Variants in PCDHA2 observed in about 807,000 individuals in gnomAD.
The protein encoded by PCDHA2 is protocadherin alpha 2.
In PCDHA2, 58 loss-of-function variants were observed where a neutral mutation model predicts 66.0. That is an observed-to-expected ratio of 0.88 (90% confidence interval 0.71 to 1.09). The LOEUF (loss-of-function observed/expected upper bound fraction) is 1.09, where lower values mean the gene tolerates loss of function less well. PCDHA2 is among the 50% of genes least tolerant of loss of function. The probability of loss-of-function intolerance (pLI) is 0.00; values close to 1 mark genes in which losing one functional copy is unlikely to be tolerated. For missense variants in PCDHA2, 1,267 were observed against 1,242.3 expected, an observed-to-expected ratio of 1.02 and a Z score of -0.30; for synonymous variants, 634 against 554.0, an observed-to-expected ratio of 1.14 and a Z score of -2.03.
intron 1 of PCDHA2, among the ~76,000 whole-genome samples, chr5:140,923,036 T>C (rs868918813): frequency 1.3e-5 from 2 of 152,196 alleles, no homozygotes; most frequent in Non-Finnish European, 2.9e-5. Context: ...TATTACTACA[T>C]GTATAGTATT....
intron 1 of PCDHA2, among the ~76,000 whole-genome samples, chr5:140,799,516 TTTAC>T (rs765922159): frequency 2.0e-4 from 31 of 151,970 alleles, no homozygotes; most frequent in Admixed American, 5.2e-4. Flanking sequence ...TGCTTAAATG[TTTAC>T]TTACTTCTTC....
chr5:140,966,409 G>C (rs1234170283), intron 1 of PCDHA2: 1 of 419,144 alleles, frequency 2.4e-6, no homozygotes, highest in African/African-American at 2.1e-5. Context: ...CGCGGAATCA[G>C]AGCAGGACTT....
intron 1 of PCDHA2, chr5:140,868,367 A>T (rs1172492575): frequency 1.3e-5 from 2 of 152,208 alleles, no homozygotes; most frequent in African/African-American, 4.8e-5. Context: ...AAATGTAAAT[A>T]ACAGTAAAGA....
intron 1 of PCDHA2, chr5:140,828,303 G>A: frequency 1.2e-6 from 2 of 1,614,088 alleles, no homozygotes; most frequent in Non-Finnish European, 8.5e-7. Context: ...TCCAAAGACC[G>A]CGAGGACCTT....
intron 3 of PCDHA2, among the ~76,000 whole-genome samples, chr5:140,985,739 CT>C (rs11372071): frequency 0.013 from 1,497 of 117,900 alleles, 11 homozygotes; most frequent in African/African-American, 0.038. Flanking sequence ...TGATGAATTC[CT>C]TTTTTTTTTT....
chr5:140,857,402 C>T (rs2044569708), intron 1 of PCDHA2: 3 of 1,598,498 alleles, frequency 1.9e-6, no homozygotes, highest in Non-Finnish European at 2.6e-6. Flanking sequence ...CGACAACGCG[C>T]CTGCGTTCGC....
At chr5:140,838,173 G>C (rs1033489567) in intron 1 of PCDHA2, among the ~76,000 whole-genome samples, 2 of 149,160 alleles carry the variant, frequency 1.3e-5, no homozygotes, top group Non-Finnish European at 3.0e-5. Flanking sequence ...GAGTGCAGTG[G>C]TGCAATCTCA....
At chr5:140,877,116 C>T in intron 1 of PCDHA2, 4 of 1,613,672 alleles carry the variant, frequency 2.5e-6, no homozygotes, top group Non-Finnish European at 2.5e-6. Context: ...TGGGCAGCAA[C>T]GTGACGCTGC....
intron 1 of PCDHA2, chr5:140,855,916 A>G (rs2043673154): frequency 8.4e-7 from 1 of 1,191,010 alleles, no homozygotes. Flanking sequence ...CTCAAGGACT[A>G]GGAAGTAGCG....
intron 1 of PCDHA2, chr5:140,807,515 G>A (rs1554124060): frequency 6.8e-6 from 11 of 1,613,912 alleles, no homozygotes; most frequent in Non-Finnish European, 9.3e-6. Flanking sequence ...GGAGGTGATC[G>A]TAGACAGGCC....
chr5:140,857,724 A>G (rs1277501257), intron 1 of PCDHA2: 1 of 1,597,434 alleles, frequency 6.3e-7, no homozygotes, highest in Admixed American at 1.7e-5. Context: ...GACGAGAACG[A>G]CAACGCTCCC....
At chr5:140,968,578 C>T in intron 1 of PCDHA2, 3 of 1,614,206 alleles carry the variant, frequency 1.9e-6, no homozygotes, top group Non-Finnish European at 2.5e-6. Context: ...GCTACCTGGT[C>T]ACCAAAGTCA....
chr5:140,802,502 G>A, intron 1 of PCDHA2: 1 of 1,614,156 alleles, frequency 6.2e-7, no homozygotes, highest in Non-Finnish European at 8.5e-7. Context: ...CGCCTTCACT[G>A]TGGGCCACGG....
At chr5:140,912,511 T>C (rs2075947919) in intron 1 of PCDHA2, among the ~76,000 whole-genome samples, 1 of 152,158 alleles carries the variant, frequency 6.6e-6, no homozygotes, top group Non-Finnish European at 1.5e-5. Context: ...TGGATGAATC[T>C]TTAGGGTTTT....
chr5:140,797,207 G>A lies in PCDHA2; in HGVS notation c.2243G>A (p.Trp748Ter). ...GTGTGCTCCAGCGCCGTGGGGAGCT[G>A]GTCTTACTCGCAGCAGAGGCGGCAG... ...TLVCSSAVGS[W>*]SYSQQRRQRV... Residue 748 changes from tryptophan (W) to a stop codon, truncating the protein, a stop_gained, in exon 1 of 4, where the codon TGG becomes TAG. Coordinates refer to ENST00000526136, the MANE Select transcript of PCDHA2 (RefSeq NM_018905.3). LOFTEE classifies it high-confidence loss of function. The A allele has an allele frequency of 1.2e-6, 2 of 1,614,194 alleles. No homozygotes were observed. Among genetic ancestry groups the A allele is most frequent in the Non-Finnish European group, 1.7e-6 (2 of 1,180,038 alleles).
chr5:140,886,413 C>T (rs1465937681), intron 1 of PCDHA2, among the ~76,000 whole-genome samples: 1 of 152,042 alleles, frequency 6.6e-6, no homozygotes, highest in Non-Finnish European at 1.5e-5. Flanking sequence ...ATGTTTTCCT[C>T]CTATATTATT....
chr5:140,957,133 A>G (rs1308855631), intron 1 of PCDHA2, among the ~76,000 whole-genome samples: 4 of 152,222 alleles, frequency 2.6e-5, no homozygotes, highest in African/African-American at 9.6e-5. Context: ...TTACTACACT[A>G]TGAACTAAAA....
intron 1 of PCDHA2, among the ~76,000 whole-genome samples, chr5:140,958,528 G>T (rs961967514): frequency 4.6e-5 from 7 of 152,112 alleles, no homozygotes; most frequent in Non-Finnish European, 8.8e-5. Flanking sequence ...TATACTATGT[G>T]TACATTGATT....
intron 3 of PCDHA2, among the ~76,000 whole-genome samples, chr5:140,993,344 A>G (rs1379621962): frequency 1.3e-5 from 2 of 152,022 alleles, no homozygotes; most frequent in Admixed American, 6.6e-5. Context: ...GAAGGGCACT[A>G]CGAAGATCCT....
Sources: gnomAD v4.1 joint callset for allele counts (sites outside exome capture counted in the v4.1 genomes callset) on GRCh38, gnomAD v4.1.1 for gene constraint, MANE v1.5 for transcripts, NCBI Gene and HGNC (gene_info 2026-07-23, HGNC 2026-07-21) for gene names.